The following PCDHA6 variants were observed in gnomAD, a reference collection of about 807,000 sequenced individuals.
PCDHA6 encodes the protein protocadherin alpha-6.
PCDHA6 carries 55 observed loss-of-function variants against 60.3 expected under a neutral mutation model. That is an observed-to-expected ratio of 0.91 (90% CI 0.73 to 1.14). PCDHA6 has a LOEUF of 1.14. Ranked by LOEUF, PCDHA6 falls within the 50% of genes most tolerant of loss-of-function variation. The pLI, the probability that PCDHA6 is intolerant of heterozygous loss-of-function variation, is 0.00. For synonymous variants in PCDHA6, 652 were observed against 557.9 expected, an observed-to-expected ratio of 1.17 and a Z score of -2.38; for missense variants, 1,327 against 1,256.5, an observed-to-expected ratio of 1.06 and a Z score of -0.85.
chr5:140,946,791 T>C (rs1019495660), intron 1 of PCDHA6, among the ~76,000 whole-genome samples: 4 of 151,326 alleles, frequency 2.6e-5, no homozygotes, highest in Non-Finnish European at 4.4e-5. Flanking sequence ...GCTGATCTTA[T>C]AGAAGCAGAG....
At chr5:140,882,346 G>T (rs146510190) in intron 1 of PCDHA6, 36 of 1,614,194 alleles carry the variant, frequency 2.2e-5, no homozygotes, top group Non-Finnish European at 2.9e-5. Flanking sequence ...CCTGGGAGAC[G>T]GGTAGTGGCC....
intron 3 of PCDHA6, among the ~76,000 whole-genome samples, chr5:140,987,362 A>G (rs1490856237): frequency 6.6e-6 from 1 of 152,208 alleles, no homozygotes; most frequent in Non-Finnish European, 1.5e-5. Flanking sequence ...AGGTTGTCTT[A>G]TATCATTACA....
intron 1 of PCDHA6, among the ~76,000 whole-genome samples, chr5:140,872,375 C>A (rs2053630195): frequency 6.6e-6 from 1 of 152,002 alleles, no homozygotes; most frequent in Admixed American, 6.6e-5. Flanking sequence ...GCCTGTAATC[C>A]CAGCTATTTG....
Position 140,927,198 on chromosome 5 carries a change from G to T in PCDHA6, c.2395-51751G>T. On this transcript the variant is annotated intron_variant, in intron 1 of 3. Transcript: ENST00000529310. ...TCTTGACCTACGACCTGGTGCTCGA[G>T]GACCCGCTGGAGCTGCACAAGATTC... 3 of 1,614,162 alleles carry T rather than the reference G, an allele frequency of 1.9e-6. No homozygotes were observed. In the South Asian group the frequency reaches 3.3e-5, roughly 18 times the overall value.
At chr5:140,982,935 T>C (rs2097016879) in intron 3 of PCDHA6, among the ~76,000 whole-genome samples, 2 of 151,876 alleles carry the variant, frequency 1.3e-5, no homozygotes, top group African/African-American at 4.9e-5. Context: ...ACAAAGATCT[T>C]TTGGTTGAAG....
intron 1 of PCDHA6, chr5:140,882,640 G>C (rs1330929245): frequency 1.2e-6 from 2 of 1,614,068 alleles, no homozygotes; most frequent in Admixed American, 3.3e-5. Context: ...TGAAGGTGAG[G>C]GACATTAACG....
At chr5:140,869,378 G>T in intron 1 of PCDHA6, 3 of 1,614,168 alleles carry the variant, frequency 1.9e-6, no homozygotes, top group East Asian at 2.2e-5. Flanking sequence ...CGGATCGACC[G>T]CGAGGAGCTG....
At chr5:140,869,188 G>A (rs200563745) in intron 1 of PCDHA6, 5 of 1,613,828 alleles carry the variant, frequency 3.1e-6, no homozygotes, top group African/African-American at 2.7e-5. Context: ...GGTGGGGAGC[G>A]GCCAGCTCCA....
In PCDHA6 at chr5:140,852,432, C is replaced by A. The variant is rs185141585; in HGVS notation, c.2394+21947C>A. ...AGCTGGGATTATAGGCACATGCCAC[C>A]GCGCCCAGCTAATTTTTGTATTTTT... On this transcript the variant is annotated intron_variant, in intron 1 of 3. Transcript: ENST00000529310. 4.7e-3 allele frequency: 847 copies of A among 180,880 alleles called. 56 individuals are homozygous for A. Among genetic ancestry groups the A allele is most frequent in the South Asian group, 0.036 (183 of 5,090 alleles). 11.2% of individuals were successfully genotyped at this position (180,880 alleles called of 1,614,324 possible).
chr5:140,833,154 TA>T (rs1772333150), intron 1 of PCDHA6, among the ~76,000 whole-genome samples: 1 of 152,084 alleles, frequency 6.6e-6, no homozygotes, highest in Admixed American at 6.6e-5. Context: ...GCAATACGAA[TA>T]AAAAGTATTA....
At chr5:140,861,307 G>T in intron 1 of PCDHA6, 2 of 192,584 alleles carry the variant, frequency 1.0e-5, no homozygotes, top group South Asian at 9.6e-5. Flanking sequence ...AAGCGGGAAA[G>T]GACCAGTTCC....
intron 1 of PCDHA6, chr5:140,926,823 G>C (rs1454618329): frequency 6.7e-7 from 1 of 1,496,998 alleles, no homozygotes; most frequent in Non-Finnish European, 8.9e-7. Context: ...TGCTCTCCAG[G>C]AGTCCGGAGC....
chr5:140,830,041 G>C lies in PCDHA6; in HGVS notation c.1950G>C (p.Leu650=). 1 of 1,613,848 alleles carries C rather than the reference G, an allele frequency of 6.2e-7. No individual in the cohort carries two copies. The highest frequency in any genetic ancestry group is 2.2e-5 in the East Asian group (1 of 44,870). ...CTCCGCGCCACCGGCTGCTGGTGCTGGTGAAAGACCACGGTGAGCCGGCGC... is the reference window on the plus strand; with the variant it reads ...CTCCGCGCCACCGGCTGCTGGTGCTCGTGAAAGACCACGGTGAGCCGGCGC... ...ADSPRHRLLV[L]VKDHGEPALT... is the part of the protein sequence containing the mutation. The change falls in exon 1 of 4, where the codon CTG becomes CTC. Residue 650 remains leucine (L), a synonymous_variant. Coordinates refer to ENST00000529310, the MANE Select transcript of PCDHA6 (RefSeq NM_018909.4).
At chr5:140,894,740 AT>A (rs1157881854) in intron 1 of PCDHA6, among the ~76,000 whole-genome samples, 3 of 150,972 alleles carry the variant, frequency 2.0e-5, no homozygotes, top group Non-Finnish European at 3.0e-5. Flanking sequence ...AATTTGTGGA[AT>A]TTTTTTTCTT....
chr5:140,886,910 T>C (rs1373910489), intron 1 of PCDHA6, among the ~76,000 whole-genome samples: 1 of 152,100 alleles, frequency 6.6e-6, no homozygotes, highest in African/African-American at 2.4e-5. Context: ...TAAATACTTA[T>C]TGAGTGTTCT....
At chr5:140,855,706 TCAA>T (rs1176313933) in intron 1 of PCDHA6, among the ~76,000 whole-genome samples, 1 of 149,608 alleles carries the variant, frequency 6.7e-6, no homozygotes, top group African/African-American at 2.5e-5. Context: ...GCACGTGGGA[TCAA>T]CATTTATTGT....
chr5:140,915,164 G>A (rs782783727), intron 1 of PCDHA6, among the ~76,000 whole-genome samples: 27 of 152,144 alleles, frequency 1.8e-4, no homozygotes, highest in African/African-American at 5.3e-4. Flanking sequence ...GGCCAGGATA[G>A]TCTCGATCTC....
chr5:140,967,485 C>A lies in PCDHA6; in HGVS notation c.2395-11464C>A, dbSNP rs781948599. 3.7e-6 allele frequency: 6 copies of A among 1,613,056 alleles called. No homozygotes were observed. In the South Asian group the frequency reaches 6.6e-5, roughly 18 times the overall value. On this transcript the variant is annotated intron_variant, in intron 1 of 3. Coordinates refer to ENST00000529310, the MANE Select transcript of PCDHA6 (RefSeq NM_018909.4). ...GGGGGCATCCCAGCCCGCTCGGGTA[C>A]GGCACAGATCTCTGTGCGTGTCCTG...
At chr5:140,874,372 A>C (rs1055265865) in intron 1 of PCDHA6, among the ~76,000 whole-genome samples, 1 of 152,362 alleles carries the variant, frequency 6.6e-6, no homozygotes, top group South Asian at 2.1e-4. Context: ...TAAACTCATG[A>C]AAGGTCTTTT....
Sources: gnomAD v4.1 joint callset for allele counts (sites outside exome capture counted in the v4.1 genomes callset) on GRCh38, gnomAD v4.1.1 for gene constraint, MANE v1.5 for transcripts, NCBI Gene and HGNC (gene_info 2026-07-23, HGNC 2026-07-21) for gene names.